BTBD9: variants seen among roughly 807,000 people sequenced by gnomAD.
BTBD9 encodes the protein BTB domain containing 9, also known as BTB/POZ domain-containing protein 9.
BTBD9 carries 49 observed loss-of-function variants against 64.3 expected under a neutral mutation model. That is an observed-to-expected ratio of 0.76 (90% CI 0.61 to 0.97). BTBD9 has a LOEUF of 0.97. BTBD9 is among the 50% of genes least tolerant of loss of function. The pLI is 0.00. For synonymous variants in BTBD9, 260 were observed against 274.7 expected, an observed-to-expected ratio of 0.95 and a Z score of 0.53; for missense variants, 598 against 762.1, an observed-to-expected ratio of 0.78 and a Z score of 2.53.
rs368310739 is a variant in BTBD9 at position 38,594,305 on chromosome 6, G to A, written c.208C>T (p.Arg70Ter). ...ATTTCTGCTTCAGGCTGAGACTCTC[G>A]CATTCCACCATATAATAATGCTCTG... is the stretch of plus-strand genomic sequence containing the variant. ...YFRALLYGGM[R>*]ESQPEAEIPL... is the part of the protein sequence containing the mutation. The change falls in exon 3 of 11, where the codon CGA (arginine) becomes TGA (stop). Residue 70 changes from arginine to a stop codon, truncating the protein, a stop_gained. Transcript: ENST00000481247. LOFTEE classifies it high-confidence loss of function. 12 of 1,612,388 alleles carry A rather than the reference G, an allele frequency of 7.4e-6. No homozygotes were observed. The highest frequency in any genetic ancestry group is 1.6e-4 in the Middle Eastern group (1 of 6,080).
At chr6:38,379,073 G>A (rs1362452083) in intron 6 of BTBD9, among the ~76,000 whole-genome samples, 1 of 152,044 alleles carries the variant, frequency 6.6e-6, no homozygotes, top group Non-Finnish European at 1.5e-5. Flanking sequence ...CAAGATATAT[G>A]ATCACTCTAC....
At chr6:38,190,519 G>A (rs1762027832) in intron 10 of BTBD9, among the ~76,000 whole-genome samples, 1 of 144,678 alleles carries the variant, frequency 6.9e-6, no homozygotes, top group Non-Finnish European at 1.5e-5. Flanking sequence ...ACACTACTTT[G>A]AGGCTTTTTT....
intron 6 of BTBD9, among the ~76,000 whole-genome samples, chr6:38,531,707 T>C (rs1473426475): frequency 1.3e-5 from 2 of 152,142 alleles, no homozygotes; most frequent in Non-Finnish European, 2.9e-5. Flanking sequence ...GGAGGTAAAA[T>C]TAAAGTGTAG....
rs116061532 is a variant in BTBD9 at position 38,539,213 on chromosome 6, T to A, written c.1154+38387A>T. Among the ~76,000 whole-genome samples the A allele has an allele frequency of 5.8e-4, 88 of 152,320 alleles. 1 individual carries two copies. The highest frequency in any genetic ancestry group is 3.4e-3 in the Middle Eastern group (1 of 294). ...TCCCAAAGCACTGGGATTACAGGCATGAGCCACCGCACCCAGTCCTGTTTA... is the reference window on the plus strand; with the variant it reads ...TCCCAAAGCACTGGGATTACAGGCAAGAGCCACCGCACCCAGTCCTGTTTA... On this transcript the variant is annotated intron_variant, in intron 6 of 10. Coordinates refer to ENST00000481247, the MANE Select transcript of BTBD9 (RefSeq NM_001099272.2).
intron 1 of BTBD9, among the ~76,000 whole-genome samples, chr6:38,623,647 A>G (rs368429383): frequency 2.0e-5 from 3 of 152,210 alleles, no homozygotes; most frequent in East Asian, 1.9e-4. Flanking sequence ...AGGCTTCTGA[A>G]ATCAGACAAC....
At chr6:38,431,882 C>T (rs989467467) in intron 6 of BTBD9, among the ~76,000 whole-genome samples, 6 of 151,954 alleles carry the variant, frequency 3.9e-5, no homozygotes, top group Non-Finnish European at 5.9e-5. Context: ...TTTAACCCTG[C>T]GACATGGCCT....
intron 6 of BTBD9, among the ~76,000 whole-genome samples, chr6:38,503,221 C>G (rs925566142): frequency 2.0e-5 from 3 of 152,224 alleles, no homozygotes; most frequent in Non-Finnish European, 2.9e-5. Context: ...CCCCATCGCC[C>G]TACTCTCAGC....
chr6:38,179,094 G>A (rs745652512), intron 10 of BTBD9, among the ~76,000 whole-genome samples: 9 of 151,970 alleles, frequency 5.9e-5, no homozygotes, highest in Non-Finnish European at 1.3e-4. Context: ...CTCATGATCC[G>A]CCCACCTCAG....
At chr6:38,188,443 C>T (rs1367183722) in intron 10 of BTBD9, among the ~76,000 whole-genome samples, 6 of 152,224 alleles carry the variant, frequency 3.9e-5, no homozygotes, top group Non-Finnish European at 4.4e-5. Context: ...TGGGGAAGCA[C>T]CTGCAGAAGA....
intron 8 of BTBD9, among the ~76,000 whole-genome samples, chr6:38,262,030 A>G (rs1160877580): frequency 6.6e-6 from 1 of 152,244 alleles, no homozygotes; most frequent in Non-Finnish European, 1.5e-5. Flanking sequence ...GGAAAAACTG[A>G]TTCAACCTCT....
At chr6:38,497,883 C>T (rs1158078198) in intron 6 of BTBD9, among the ~76,000 whole-genome samples, 18 of 152,196 alleles carry the variant, frequency 1.2e-4, no homozygotes, top group Admixed American at 1.2e-3. Context: ...AGCTAGGCTA[C>T]AGTCAAACTG....
intron 6 of BTBD9, among the ~76,000 whole-genome samples, chr6:38,467,047 G>A (rs1419528899): frequency 6.6e-6 from 1 of 152,008 alleles, no homozygotes; most frequent in Non-Finnish European, 1.5e-5. Context: ...ATAAATCAGG[G>A]AACATTTACA....
rs573595965 is a variant in BTBD9 at position 38,458,398 on chromosome 6, T to C, written c.1155-113305A>G. Among the ~76,000 whole-genome samples, 4 of 152,300 alleles carry C rather than the reference T, an allele frequency of 2.6e-5. No individual in the cohort carries two copies. In the East Asian group the frequency reaches 7.7e-4, roughly 29 times the overall value. On this transcript the variant is annotated intron_variant, in intron 6 of 10. Transcript: ENST00000481247. ...AAACGCAAAAGGACCCAGTAGTCCCTGCACTGCTGCCCTACATTCCTTCCA... is the reference window on the plus strand; with the variant it reads ...AAACGCAAAAGGACCCAGTAGTCCCCGCACTGCTGCCCTACATTCCTTCCA...
chr6:38,375,722 G>T (rs1765652419), intron 6 of BTBD9, among the ~76,000 whole-genome samples: 1 of 152,116 alleles, frequency 6.6e-6, no homozygotes, highest in South Asian at 2.1e-4. Flanking sequence ...TGGTTTGGTT[G>T]CGAAGGATAA....
Position 38,259,577 on chromosome 6 carries a change from A to C in BTBD9, c.1455-3061T>G, listed in dbSNP as rs28472716. On this transcript the variant is annotated intron_variant, in intron 8 of 10. Coordinates refer to ENST00000481247, the MANE Select transcript of BTBD9 (RefSeq NM_001099272.2). The stretch of plus-strand genomic sequence containing the variant: ...ACTACCACACCCAGCTAATTAAAAA[A>C]CAAACAAACAAAAGATTATTTTGTA... 0.021 allele frequency among the ~76,000 whole-genome samples: 3,244 copies of C among 152,280 alleles called. 502 individuals are homozygous for C. The East Asian group carries it at 0.43, about 20-fold the overall frequency.
intron 7 of BTBD9, among the ~76,000 whole-genome samples, chr6:38,318,634 C>G (rs564832746): frequency 6.6e-6 from 1 of 152,352 alleles, no homozygotes; most frequent in South Asian, 2.1e-4. Flanking sequence ...TAGTCTCTCT[C>G]TCCCTCTCTG....
chr6:38,328,563 CCGTG>C (rs1348180569), intron 7 of BTBD9, among the ~76,000 whole-genome samples: 6 of 95,804 alleles, frequency 6.3e-5, no homozygotes, highest in Non-Finnish European at 9.3e-5. Flanking sequence ...ATTTAAGCCA[CCGTG>C]TGTGTGTGTG....
At chr6:38,465,459 T>C (rs1303562903) in intron 6 of BTBD9, among the ~76,000 whole-genome samples, 6 of 42,852 alleles carry the variant, frequency 1.4e-4, no homozygotes, top group African/African-American at 4.3e-4. Flanking sequence ...CTACTAAAAA[T>C]ACAAAAAAAA....
chr6:38,629,779 A>G (rs1778300203), intron 1 of BTBD9, among the ~76,000 whole-genome samples: 1 of 152,024 alleles, frequency 6.6e-6, no homozygotes, highest in Non-Finnish European at 1.5e-5. Flanking sequence ...CTGAAATCAC[A>G]CCATTGCACT....
Sources: gnomAD v4.1 joint callset for allele counts (sites outside exome capture counted in the v4.1 genomes callset) on GRCh38, gnomAD v4.1.1 for gene constraint, MANE v1.5 for transcripts, NCBI Gene and HGNC (gene_info 2026-07-23, HGNC 2026-07-21) for gene names.